The following TBC1D5 variants were observed in gnomAD, a reference collection of about 807,000 sequenced individuals.
TBC1D5 encodes TBC1 domain family member 5, also known as TBC1 domain family, member 5.
TBC1D5 carries 75 observed loss-of-function variants against 100.3 expected under a neutral mutation model. That is an observed-to-expected ratio of 0.75 (90% CI 0.62 to 0.91). The LOEUF (loss-of-function observed/expected upper bound fraction) is 0.91. Among genes scored for constraint, TBC1D5 ranks in the 40% least tolerant of loss-of-function variants. The pLI, the probability that TBC1D5 is intolerant of heterozygous loss-of-function variation, is 0.00. For missense variants in TBC1D5, 910 were observed against 942.4 expected, an observed-to-expected ratio of 0.97 and a Z score of 0.45; for synonymous variants, 323 against 325.6, an observed-to-expected ratio of 0.99 and a Z score of 0.09.
chr3:17,520,642 T>G (rs2096054577), intron 2 of TBC1D5, among the ~76,000 whole-genome samples: 1 of 151,672 alleles, frequency 6.6e-6, no homozygotes, highest in Non-Finnish European at 1.5e-5. Context: ...GGCCCAAAAT[T>G]TAGTTAAGAA....
At chr3:17,204,643 C>A (rs2071917876) in intron 18 of TBC1D5, among the ~76,000 whole-genome samples, 1 of 152,154 alleles carries the variant, frequency 6.6e-6, no homozygotes, top group South Asian at 2.1e-4. Context: ...ATGAGTGTTT[C>A]ACTCAACCCA....
exon 1 of TBC1D5, chr3:17,740,687 C>T (rs1455246476): frequency 6.6e-6 from 1 of 152,126 alleles, no homozygotes; most frequent in Non-Finnish European, 1.5e-5. Context: ...AATTTGCTTC[C>T]AAAACTCAGG....
chr3:17,559,679 T>C (rs1458039352), intron 2 of TBC1D5, among the ~76,000 whole-genome samples: 1 of 151,484 alleles, frequency 6.6e-6, no homozygotes, highest in African/African-American at 2.4e-5. Context: ...AACCTCCACG[T>C]CCTGGGTTCA....
At chr3:17,255,984 C>T (rs1436697115) in intron 16 of TBC1D5, among the ~76,000 whole-genome samples, 2 of 152,026 alleles carry the variant, frequency 1.3e-5, no homozygotes, top group South Asian at 2.1e-4. Flanking sequence ...TGCAGTAAGC[C>T]GAGATTGCGC....
chr3:17,710,381 A>G (rs1246439600), intron 1 of TBC1D5, among the ~76,000 whole-genome samples: 1 of 152,082 alleles, frequency 6.6e-6, no homozygotes, highest in Non-Finnish European at 1.5e-5. Flanking sequence ...CCTGACCAAC[A>G]TGGTGAAACC....
intron 13 of TBC1D5, among the ~76,000 whole-genome samples, chr3:17,333,956 A>G (rs1204691664): frequency 6.6e-6 from 1 of 152,082 alleles, no homozygotes; most frequent in Non-Finnish European, 1.5e-5. Flanking sequence ...GAGGGGATAA[A>G]TTCAAAGGAG....
At chr3:17,636,476 T>C (rs1353446410) in intron 1 of TBC1D5, among the ~76,000 whole-genome samples, 1 of 152,066 alleles carries the variant, frequency 6.6e-6, no homozygotes, top group East Asian at 1.9e-4. Context: ...TATTAAAATA[T>C]GTTATTTAAA....
chr3:17,219,872 T>A (rs1449929331), intron 17 of TBC1D5, among the ~76,000 whole-genome samples: 1 of 152,126 alleles, frequency 6.6e-6, no homozygotes, highest in Non-Finnish European at 1.5e-5. Flanking sequence ...ATTTTGATCA[T>A]TTTTTGTCAC....
At chr3:17,694,445 C>T (rs1177117709) in intron 1 of TBC1D5, among the ~76,000 whole-genome samples, 3 of 152,044 alleles carry the variant, frequency 2.0e-5, no homozygotes, top group Non-Finnish European at 4.4e-5. Flanking sequence ...AACTACGCAA[C>T]GCATGCACAA....
chr3:17,219,285 T>G (rs932556693), intron 17 of TBC1D5, among the ~76,000 whole-genome samples: 1 of 151,948 alleles, frequency 6.6e-6, no homozygotes, highest in Non-Finnish European at 1.5e-5. Context: ...TTTTTTTTAC[T>G]GATCTTCTCT....
chr3:17,445,151 C>T (rs17043638), intron 3 of TBC1D5, among the ~76,000 whole-genome samples: 39,701 of 152,022 alleles, frequency 0.26, 6,140 homozygotes, highest in East Asian at 0.7. Flanking sequence ...TAGATATAGC[C>T]CTGTATGTTC....
At chr3:17,596,638 A>G (rs1242197775) in intron 2 of TBC1D5, among the ~76,000 whole-genome samples, 1 of 140,930 alleles carries the variant, frequency 7.1e-6, no homozygotes, top group Non-Finnish European at 1.5e-5. Context: ...TGAACCCAGG[A>G]GGCGGAGGTT....
intron 19 of TBC1D5, among the ~76,000 whole-genome samples, chr3:17,183,205 A>G (rs1318096386): frequency 1.3e-5 from 2 of 152,196 alleles, no homozygotes; most frequent in African/African-American, 4.8e-5. Flanking sequence ...AAGGCAATGA[A>G]GCCACGGACA....
intron 2 of TBC1D5, among the ~76,000 whole-genome samples, chr3:17,562,664 C>G (rs1039074309): frequency 3.9e-5 from 6 of 152,142 alleles, no homozygotes; most frequent in Admixed American, 3.9e-4. Context: ...AGGGCAACAA[C>G]AGTCTTGGTG....
intron 18 of TBC1D5, among the ~76,000 whole-genome samples, chr3:17,206,838 C>T (rs759945146): frequency 5.3e-5 from 8 of 152,160 alleles, no homozygotes; most frequent in Non-Finnish European, 8.8e-5. Context: ...CAAAATATCA[C>T]GCAGTTTATC....
chr3:17,537,411 C>T (rs1243823265), intron 2 of TBC1D5, among the ~76,000 whole-genome samples: 2 of 152,176 alleles, frequency 1.3e-5, no homozygotes, highest in Admixed American at 6.5e-5. Flanking sequence ...TAACAAGGCA[C>T]GTCCAGCCTC....
chr3:17,241,511 T>A (rs2076302449), intron 16 of TBC1D5, among the ~76,000 whole-genome samples: 1 of 152,228 alleles, frequency 6.6e-6, no homozygotes, highest in African/African-American at 2.4e-5. Flanking sequence ...GTCTATCTAC[T>A]GTTACTAAAA....
At chr3:17,500,454 T>A (rs570671037) in intron 3 of TBC1D5, among the ~76,000 whole-genome samples, 1 of 149,832 alleles carries the variant, frequency 6.7e-6, no homozygotes, top group African/African-American at 2.5e-5. Flanking sequence ...TTAATCACTA[T>A]CTTTTTAATG....
At chr3:17,696,165 C>A (rs1277574987) in intron 1 of TBC1D5, among the ~76,000 whole-genome samples, 1 of 151,928 alleles carries the variant, frequency 6.6e-6, no homozygotes, top group African/African-American at 2.4e-5. Flanking sequence ...CTAAAATCGA[C>A]ACCCTAACAT....
Sources: gnomAD v4.1 joint callset for allele counts (sites outside exome capture counted in the v4.1 genomes callset) on GRCh38, gnomAD v4.1.1 for gene constraint, MANE v1.5 for transcripts, NCBI Gene and HGNC (gene_info 2026-07-23, HGNC 2026-07-21) for gene names.